WDR33: variants seen among roughly 807,000 people sequenced by gnomAD.
The protein encoded by WDR33 is pre-mRNA 3' end processing protein WDR33.
WDR33 carries 47 observed loss-of-function variants against 164.9 expected under a neutral mutation model. The observed-to-expected ratio is 0.29, with a 90% CI of 0.23 to 0.36. WDR33 has a LOEUF of 0.36. Ranked by LOEUF, WDR33 falls within the 10% of genes least tolerant of loss-of-function variation. WDR33 has a pLI of 1.00. For missense variants in WDR33, 1,137 were observed against 1,754.1 expected, an observed-to-expected ratio of 0.65 and a Z score of 6.28; for synonymous variants, 505 against 589.0, an observed-to-expected ratio of 0.86 and a Z score of 2.06.
rs1686119063 is a variant in WDR33 at position 127,709,988 on chromosome 2, A to G, written c.3309-132T>C. ...TGGGAGGAAAACAAAATAAAACTAT[A>G]TATTTTTGAAAGGATACATTATATA... is the stretch of plus-strand genomic sequence containing the variant. On this transcript the variant is annotated intron_variant, in intron 18 of 21. Transcript: ENST00000322313. The surrounding 1 kb of genome is among the most constrained non-coding windows in gnomAD (Gnocchi z 5.0). The G allele has an allele frequency of 2.1e-5, 25 of 1,202,788 alleles. No homozygotes were observed. The South Asian group carries it at 3.5e-4, about 17-fold the overall frequency. The allele number at this position is 1,202,788 out of a possible 1,614,324, so 74.5% of individuals were successfully genotyped here. A position where few individuals can be genotyped will look rare whatever the true frequency, so the allele number is the denominator to read the frequency against.
rs746397453 is a variant in WDR33, at chr2:127,717,182, G to C, written c.2842C>G (p.Pro948Ala). The C allele has an allele frequency of 1.2e-6, 2 of 1,608,202 alleles. No homozygotes were observed. Among genetic ancestry groups the C allele is most frequent in the African/African-American group, 2.7e-5 (2 of 74,814 alleles). Residue 948 changes from proline to alanine, a missense_variant, in exon 17 of 22, where the codon CCC (proline) becomes GCC (alanine). By Grantham distance (27) the Pro-to-Ala change is conservative (BLOSUM62 -1). Around this residue, in one of 9 missense-constraint regions of WDR33, gnomAD observed 867 missense variants for 1,073.0 expected, o/e 0.81. Transcript: ENST00000322313. The surrounding 1 kb of genome is among the most constrained non-coding windows in gnomAD (Gnocchi z 5.6). ...TTGTTGGGGCCAGGTCCTTGTCCGGGGTTCAGAGGGGGAATGCGACCTTGT... is the reference window on the plus strand; with the variant it reads ...TTGTTGGGGCCAGGTCCTTGTCCGGCGTTCAGAGGGGGAATGCGACCTTGT... Reference protein sequence around the residue: ...GAQGRIPPLNPGQGPGPNKGD... With the variant: ...GAQGRIPPLNAGQGPGPNKGD...
rs200499570 is a variant in WDR33, at chr2:127,719,281, C to T, written c.2744G>A (p.Arg915Gln). 7 of 1,442,486 alleles carry T rather than the reference C, an allele frequency of 4.9e-6. No individual in the cohort carries two copies. The highest frequency in any genetic ancestry group is 5.2e-5 in the Admixed American group (2 of 38,704). The allele number at this position is 1,442,486 out of a possible 1,614,324, so 89.4% of individuals were successfully genotyped here. Residue 915 changes from arginine to glutamine, a missense_variant, in exon 16 of 22, where the codon CGG (arginine) becomes CAG (glutamine). Transcript: ENST00000322313. This position sits in a 1 kb window ranked among gnomAD's most constrained non-coding sequence, Gnocchi z 6.5. Reference sequence around the variant, plus strand: ...GAATAATACCTGGTTGAAGGGGGCCCGGGGCCCATCACCTAGCAGAGGCGT... The same window carrying T: ...GAATAATACCTGGTTGAAGGGGGCCTGGGGCCCATCACCTAGCAGAGGCGT... ...QKTPLLGDGP[R>Q]APFNQEGQST...
chr2:127,729,654 C>A (rs1686656178), intron 7 of WDR33, among the ~76,000 whole-genome samples: 1 of 152,138 alleles, frequency 6.6e-6, no homozygotes, highest in South Asian at 2.1e-4. Flanking sequence ...CACCACCACG[C>A]CCGGCTAATT....
rs773772296 is a variant in WDR33 at position 127,719,909 on chromosome 2, C to T, written c.2116G>A (p.Gly706Ser). 6.2e-7 allele frequency: 1 copy of T among 1,613,970 alleles called. No homozygotes were observed. Among genetic ancestry groups the T allele is most frequent in the Non-Finnish European group, 8.5e-7 (1 of 1,180,004 alleles). Residue 706 changes from glycine (G) to serine (S), a missense_variant, in exon 16 of 22, where the codon GGT (glycine) becomes AGT (serine). Gly to Ser is a moderately conservative substitution (Grantham distance 56, BLOSUM62 0). This residue lies in a region of WDR33 where 867 missense variants were observed against 1,073.0 expected (regional missense o/e 0.81). Coordinates refer to ENST00000322313, the MANE Select transcript of WDR33 (RefSeq NM_018383.5). This position sits in a 1 kb window ranked among gnomAD's most constrained non-coding sequence, Gnocchi z 6.5. ...TGTGGGCCAGGTGGACCCTGAGGAC[C>T]CATATGACCTTGAGGACCAGAACTA... Reference protein sequence around the residue: ...QGSSGPQGHMGPQGPPGPQGH... With the variant: ...QGSSGPQGHMSPQGPPGPQGH...
chr2:127,789,720 T>C (rs970741563), intron 1 of WDR33, among the ~76,000 whole-genome samples: 4 of 151,694 alleles, frequency 2.6e-5, no homozygotes, highest in Non-Finnish European at 5.9e-5. Flanking sequence ...TATTGTACTG[T>C]TCCAAACTTT....
Position 127,701,404 on chromosome 2 carries a change from C to T in WDR33, c.*4919G>A. On this transcript the variant is annotated 3_prime_UTR_variant, in exon 22 of 22. Coordinates refer to ENST00000322313, the MANE Select transcript of WDR33 (RefSeq NM_018383.5). ...CGCAGAGCAGGCACCGCGGCACTTC[C>T]GCGAGCGCCGCAGGCCCTGCCCCTT... 2.0e-6 allele frequency: 2 copies of T among 991,890 alleles called. No individual in the cohort carries two copies. Among genetic ancestry groups the T allele is most frequent in the Non-Finnish European group, 2.6e-6 (2 of 772,732 alleles). The allele number at this position is 991,890 out of a possible 1,614,324, so 61.4% of individuals were successfully genotyped here.
At chr2:127,762,577 C>T in intron 7 of WDR33, 1 of 985,780 alleles carries the variant, frequency 1.0e-6, no homozygotes, top group Non-Finnish European at 1.2e-6. Context: ...AACTTAGTAA[C>T]AAGCCGGCCA....
chr2:127,738,711 A>C lies in WDR33; in HGVS notation c.725-11934T>G, dbSNP rs11688202. ...TCATGAGAGAAATAGTAGATAAATC[A>C]CAACTGAGGGACATTCTGCAATATA... On this transcript the variant is annotated intron_variant, in intron 7 of 21. Transcript: ENST00000322313. The surrounding 1 kb of genome is among the most constrained non-coding windows in gnomAD (Gnocchi z 4.4). Among the ~76,000 whole-genome samples, 71,713 of 151,918 alleles carry C rather than the reference A, an allele frequency of 0.47. 18,067 individuals are homozygous for C. The highest frequency in any genetic ancestry group is 0.64 in the African/African-American group (26,563 of 41,408).
Position 127,726,003 on chromosome 2 carries a change from G to T in WDR33, c.851+648C>A, listed in dbSNP as rs902703171. ...CTGCACAATGGATATCTCCAAGGGA[G>T]CATTCACAAGGCATTCCAGGTTGGC... On this transcript the variant is annotated intron_variant, in intron 8 of 21. Transcript: ENST00000322313. This position sits in a 1 kb window ranked among gnomAD's most constrained non-coding sequence, Gnocchi z 4.8. Among the ~76,000 whole-genome samples the T allele has an allele frequency of 6.6e-6, 1 of 152,118 alleles. No homozygotes were observed. The highest frequency in any genetic ancestry group is 6.5e-5 in the Admixed American group (1 of 15,274).
chr2:127,784,084 ATT>A (rs1330776538), intron 1 of WDR33, among the ~76,000 whole-genome samples: 2 of 152,146 alleles, frequency 1.3e-5, no homozygotes, highest in Non-Finnish European at 2.9e-5. Context: ...GAAAAGTAGC[ATT>A]GTTTTTCACA....
rs554140280 is a variant in WDR33, at chr2:127,724,123, G to A, written c.1196+210C>T. ...AGTGGAAAACTTCTGTTTTAAGTCA[G>A]AAGGCAAAACAAAATTTGAATAGCC... On this transcript the variant is annotated intron_variant, in intron 11 of 21. Transcript: ENST00000322313. The surrounding 1 kb of genome is among the most constrained non-coding windows in gnomAD (Gnocchi z 4.8). Among the ~76,000 whole-genome samples, 1 of 152,222 alleles carries A rather than the reference G, an allele frequency of 6.6e-6. No homozygotes were observed. Among genetic ancestry groups the A allele is most frequent in the South Asian group, 2.1e-4 (1 of 4,824 alleles).
At chr2:127,731,966 T>C (rs1368459613) in intron 7 of WDR33, among the ~76,000 whole-genome samples, 6 of 152,076 alleles carry the variant, frequency 3.9e-5, no homozygotes, top group Admixed American at 2.6e-4. Flanking sequence ...TGCACACCCA[T>C]GCTCCCAGCT....
In WDR33 at chr2:127,708,829, G is replaced by T; in HGVS notation, c.3629C>A (p.Ser1210Tyr). ...AGAGGAGCGTTCTCTGCTGGCTGGG[G>T]AATGACCGTCGTGAGGGGGATGATC... ...RPDHPPHDGH[S>Y]PASRERSSSL... is the part of the protein sequence containing the mutation. The change falls in exon 21 of 22, where the codon TCC becomes TAC. Residue 1210 changes from serine to tyrosine, a missense_variant. Transcript: ENST00000322313. This position sits in a 1 kb window ranked among gnomAD's most constrained non-coding sequence, Gnocchi z 6.7. 1 of 1,612,246 alleles carries T rather than the reference G, an allele frequency of 6.2e-7. No individual in the cohort carries two copies. Among genetic ancestry groups the T allele is most frequent in the Non-Finnish European group, 8.5e-7 (1 of 1,178,796 alleles).
At chr2:127,798,416 A>G (rs906315138) in intron 1 of WDR33, among the ~76,000 whole-genome samples, 2 of 151,836 alleles carry the variant, frequency 1.3e-5, no homozygotes, top group Admixed American at 6.6e-5. Flanking sequence ...AGCATTTAAC[A>G]AAATAGGAAA....
intron 1 of WDR33, among the ~76,000 whole-genome samples, chr2:127,807,485 TA>T (rs1201860905): frequency 3.9e-5 from 6 of 152,144 alleles, no homozygotes; most frequent in Non-Finnish European, 7.3e-5. Context: ...CTCAAAATGG[TA>T]AGGCATAGAG....
In WDR33 at chr2:127,713,648, C is replaced by T. The variant is rs199564045; in HGVS notation, c.3243G>A (p.Arg1081=). The T allele has an allele frequency of 1.2e-6, 2 of 1,614,254 alleles. No homozygotes were observed. The highest frequency in any genetic ancestry group is 2.2e-5 in the East Asian group (1 of 44,886). Residue 1081 remains arginine (R), a synonymous_variant, in exon 18 of 22, where the codon AGG becomes AGA. Transcript: ENST00000322313. This position sits in a 1 kb window ranked among gnomAD's most constrained non-coding sequence, Gnocchi z 6.2. ...RGPPGAWEGR[R]PGDERFPRDP... ...CCCGGGGGAAACGTTCATCTCCGGG[C>T]CTGCGGCCTTCCCATGCCCCCGGAG...
At position 127,770,192 on chromosome 2, in the gene WDR33, T is replaced by C. The variant is rs1031397855; in HGVS notation, c.204+586A>G. ...GATTAAAGTACTCCCTTCTAATTTG[T>C]GAACTTTTAGAGCAAATCCTATTTC... On this transcript the variant is annotated intron_variant, in intron 2 of 21. Transcript: ENST00000322313. The surrounding 1 kb of genome is among the most constrained non-coding windows in gnomAD (Gnocchi z 4.9). 6.6e-6 allele frequency among the ~76,000 whole-genome samples: 1 copy of C among 152,254 alleles called. No individual in the cohort carries two copies. Among genetic ancestry groups the C allele is most frequent in the Non-Finnish European group, 1.5e-5 (1 of 68,048 alleles).
chr2:127,748,583 C>T (rs939864078), intron 7 of WDR33, among the ~76,000 whole-genome samples: 3 of 152,128 alleles, frequency 2.0e-5, no homozygotes, highest in African/African-American at 4.8e-5. Flanking sequence ...CTTTTACAGC[C>T]AAATTGATCA....
rs1157597239 is a variant in WDR33, at chr2:127,709,729, G to A, written c.3436C>T (p.Arg1146Ter). 1 of 1,614,186 alleles carries A rather than the reference G, an allele frequency of 6.2e-7. No individual in the cohort carries two copies. Among genetic ancestry groups the A allele is most frequent in the Non-Finnish European group, 8.5e-7 (1 of 1,180,032 alleles). ...CCCCGACCTCGACCTCTGAGATCTC[G>A]TCCTCGGGCCGCTTCCTCAGAAGCA... is the stretch of plus-strand genomic sequence containing the variant. ...FDASEEAARG[R>*]DLRGRGRGTP... Residue 1146 changes from arginine (R) to a stop codon, truncating the protein, a stop_gained, in exon 19 of 22, where the codon CGA becomes TGA. Coordinates refer to ENST00000322313, the MANE Select transcript of WDR33 (RefSeq NM_018383.5). LOFTEE classifies it high-confidence loss of function. The surrounding 1 kb of genome is among the most constrained non-coding windows in gnomAD (Gnocchi z 5.0).
Sources: gnomAD v4.1 joint callset for allele counts (sites outside exome capture counted in the v4.1 genomes callset) on GRCh38, gnomAD v4.1.1 for gene constraint, gnomAD v4.1.1 regional missense constraint, Gnocchi (gnomAD v3.1) non-coding constraint, MANE v1.5 for transcripts, NCBI Gene and HGNC (gene_info 2026-07-23, HGNC 2026-07-21) for gene names.